SUN1: variants seen among roughly 807,000 people sequenced by gnomAD.
The protein encoded by SUN1 is Sad1 and UNC84 domain containing 1.
A neutral mutation model predicts 103.2 loss-of-function variants in SUN1; 61 were observed. The observed-to-expected ratio is 0.59, with a 90% CI of 0.48 to 0.73. The LOEUF (loss-of-function observed/expected upper bound fraction) is 0.73, where lower values mean the gene tolerates loss of function less well. Ranked by LOEUF, SUN1 falls within the 30% of genes least tolerant of loss-of-function variation. The pLI, the probability that SUN1 is intolerant of heterozygous loss-of-function variation, is 0.00. For missense variants in SUN1, 1,052 were observed against 1,034.6 expected, an observed-to-expected ratio of 1.02 and a Z score of -0.23; for synonymous variants, 490 against 425.7, an observed-to-expected ratio of 1.15 and a Z score of -1.86.
chr7:821,445 G>A (rs1369834373), intron 1 of SUN1, among the ~76,000 whole-genome samples: 2 of 152,128 alleles, frequency 1.3e-5, no homozygotes, highest in African/African-American at 4.8e-5. Context: ...TGGGATTATA[G>A]GCGTGAGCCC....
In SUN1 at chr7:872,547, G is replaced by A. The variant is rs1325885676; in HGVS notation, c.2226G>A (p.Gln742=). The change falls in exon 18 of 19, where the codon CAG becomes CAA. Residue 742 remains glutamine, a synonymous_variant. Transcript: ENST00000401592. ...ATGATCAGGATGGGGAGTCGCTCCAGATGTTCCAGGCCCTGGTAAGAACTG... is the reference window on the plus strand; with the variant it reads ...ATGATCAGGATGGGGAGTCGCTCCAAATGTTCCAGGCCCTGGTAAGAACTG... The part of the protein sequence containing the change: ...FTYDQDGESL[Q]MFQALKRPDD... 1.9e-6 allele frequency: 3 copies of A among 1,590,454 alleles called. No individual in the cohort carries two copies. Among genetic ancestry groups the A allele is most frequent in the Non-Finnish European group, 2.6e-6 (3 of 1,167,894 alleles).
intron 1 of SUN1, chr7:832,821 A>G (rs1799197213): frequency 1.9e-6 from 1 of 527,184 alleles, no homozygotes. Context: ...GTGGTTAGTC[A>G]TCGCACATGG....
chr7:824,423 G>C (rs1433929354), intron 1 of SUN1, among the ~76,000 whole-genome samples: 1 of 152,150 alleles, frequency 6.6e-6, no homozygotes, highest in Non-Finnish European at 1.5e-5. Context: ...CATCGTACTG[G>C]TTATAAGGAA....
chr7:871,293 T>C (rs964432497), intron 17 of SUN1, among the ~76,000 whole-genome samples: 3 of 152,242 alleles, frequency 2.0e-5, no homozygotes, highest in Admixed American at 2.0e-4. Flanking sequence ...TTGAGCTTTT[T>C]AGTATGTAAA....
At chr7:849,617 C>A (rs773423149) in intron 5 of SUN1, 1 of 1,495,862 alleles carries the variant, frequency 6.7e-7, no homozygotes, top group Non-Finnish European at 9.0e-7. Context: ...AGTATGGCTT[C>A]GTTTTCCTGT....
chr7:869,569 C>G (rs1273511317), intron 17 of SUN1, 53 bp downstream of exon 17: 2 of 1,586,668 alleles, frequency 1.3e-6, no homozygotes, highest in Non-Finnish European at 8.6e-7. Flanking sequence ...GGAGTTCCCA[C>G]AGATGAAAGC....
chr7:849,912 C>T, intron 5 of SUN1: 1 of 1,589,622 alleles, frequency 6.3e-7, no homozygotes, highest in Non-Finnish European at 8.5e-7. Flanking sequence ...TGCCTGTCAC[C>T]ACACCTGCAG....
At chr7:853,308 C>T (rs1823984487) in intron 9 of SUN1, 101 bp from the exon 10 acceptor site, 3 of 1,380,252 alleles carry the variant, frequency 2.2e-6, no homozygotes, top group South Asian at 2.4e-5. Context: ...CCGTGCGCCC[C>T]AGAGCTGGCG....
chr7:859,360 T>G (rs1331459917), intron 13 of SUN1, among the ~76,000 whole-genome samples: 2 of 152,298 alleles, frequency 1.3e-5, no homozygotes, highest in East Asian at 3.9e-4. Flanking sequence ...GGGGAAAATC[T>G]TAGGATATTA....
At chr7:830,023 A>T (rs4481481), upstream of SUN1, among the ~76,000 whole-genome samples, 265 of 152,268 alleles carry the variant, frequency 1.7e-3, no homozygotes, top group African/African-American at 6.2e-3. Flanking sequence ...TTAATATTTG[A>T]TTTCGTAAAG....
intron 11 of SUN1, among the ~76,000 whole-genome samples, chr7:855,841 A>G (rs1320763829): frequency 6.0e-5 from 8 of 134,366 alleles, no homozygotes; most frequent in Non-Finnish European, 9.8e-5. Flanking sequence ...CTGTCCGCCC[A>G]AGAGGGTCCG....
At chr7:850,126 G>A in intron 5 of SUN1, 3 of 1,205,988 alleles carry the variant, frequency 2.5e-6, no homozygotes, top group Non-Finnish European at 3.5e-6. Flanking sequence ...GTGCTTTAAA[G>A]TCTTGCTGTA....
At chr7:837,326 G>A (rs549409636) in intron 1 of SUN1, among the ~76,000 whole-genome samples, 1 of 152,354 alleles carries the variant, frequency 6.6e-6, no homozygotes, top group South Asian at 2.1e-4. Flanking sequence ...CACGTGGACT[G>A]TGCCGCTTTT....
chr7:831,959 T>C, upstream of SUN1: 1 of 822,354 alleles, frequency 1.2e-6, no homozygotes, highest in Non-Finnish European at 1.5e-6. Flanking sequence ...AAATATCCTG[T>C]TTTTTGGTGA....
intron 12 of SUN1, among the ~76,000 whole-genome samples, chr7:857,286 C>T (rs994649995): frequency 3.9e-5 from 6 of 152,140 alleles, no homozygotes; most frequent in Non-Finnish European, 8.8e-5. Flanking sequence ...AGCTGGAGCA[C>T]GGTTTTCTCT....
intron 5 of SUN1, 77 bp downstream of exon 5, chr7:843,597 T>A: frequency 2.5e-6 from 4 of 1,612,338 alleles, no homozygotes; most frequent in Non-Finnish European, 3.4e-6. Context: ...AGTCTCAGTG[T>A]CTGCACTATT....
rs374613091 is a variant in SUN1 at position 842,025 on chromosome 7, G to A, written c.346G>A (p.Val116Ile). ...GTCAAGGCAGGTCACGTCCTCTGGC[G>A]TCAGCCACGGCGGCACTGTCAGCCT... ...HVSRQVTSSG[V>I]SHGGTVSLQD... is the part of the protein sequence containing the mutation. Residue 116 changes from valine (V) to isoleucine (I), a missense_variant, in exon 3 of 19, where the codon GTC becomes ATC. Physicochemically the swap from Val to Ile is conservative, Grantham distance 29. Coordinates refer to ENST00000401592, the MANE Select transcript of SUN1 (RefSeq NM_001130965.3). The A allele has an allele frequency of 2.3e-5, 37 of 1,614,048 alleles. No homozygotes were observed. Among genetic ancestry groups the A allele is most frequent in the African/African-American group, 8.0e-5 (6 of 74,916 alleles).
At chr7:869,603 C>T (rs1030604809) in intron 17 of SUN1, 87 bp downstream of exon 17, 47 of 1,486,588 alleles carry the variant, frequency 3.2e-5, no homozygotes, top group Middle Eastern at 4.9e-4. Flanking sequence ...GCACTGGGGA[C>T]GGCTGCCTCC....
In SUN1 at chr7:854,927, T is replaced by G. The variant is rs762193219; in HGVS notation, c.1271T>G (p.Phe424Cys). 11 of 1,612,862 alleles carry G rather than the reference T, an allele frequency of 6.8e-6. No individual in the cohort carries two copies. Among genetic ancestry groups the G allele is most frequent in the Admixed American group, 1.7e-5 (1 of 59,734 alleles). Residue 424 changes from phenylalanine to cysteine, a missense_variant, in exon 11 of 19, where the codon TTT becomes TGT. Physicochemically the swap from Phe to Cys is radical, Grantham distance 205. Transcript: ENST00000401592. ...CTCCTTCTCTTTCCTAAGACTGACT[T>G]TATGGCCTTTCACCAAGAACATGAA... ...AVGQPPRETDFMAFHQEHEVR... is the reference protein window; with the variant it reads ...AVGQPPRETDCMAFHQEHEVR...
Sources: gnomAD v4.1 joint callset for allele counts (sites outside exome capture counted in the v4.1 genomes callset) on GRCh38, gnomAD v4.1.1 for gene constraint, MANE v1.5 for transcripts, NCBI Gene and HGNC (gene_info 2026-07-23, HGNC 2026-07-21) for gene names.